IL12RB2: variants seen among roughly 807,000 people sequenced by gnomAD.
IL12RB2 encodes the protein interleukin-12 receptor subunit beta-2.
A neutral mutation model predicts 89.4 loss-of-function variants in IL12RB2; 82 were observed. The ratio of observed to expected loss-of-function variants is 0.92; its 90% CI spans 0.77 to 1.10. The LOEUF (loss-of-function observed/expected upper bound fraction) is 1.10, where lower values mean the gene tolerates loss of function less well. Ranked by LOEUF, IL12RB2 falls within the 50% of genes least tolerant of loss-of-function variation. The pLI is 0.00. For missense variants in IL12RB2, 963 were observed against 1,031.9 expected (o/e 0.93, Z 0.92); for synonymous variants, 368 against 370.1 (o/e 0.99, Z 0.07).
intron 13 of IL12RB2, among the ~76,000 whole-genome samples, chr1:67,373,802 T>A (rs568066757): frequency 6.6e-6 from 1 of 152,290 alleles, no homozygotes; most frequent in East Asian, 1.9e-4. Flanking sequence ...TGAGAGTTAG[T>A]AGGCCCAAGA....
chr1:67,342,150 T>A (rs966684125), intron 9 of IL12RB2, among the ~76,000 whole-genome samples: 2 of 152,116 alleles, frequency 1.3e-5, no homozygotes, highest in African/African-American at 2.4e-5. Context: ...AGGGCCCAAG[T>A]CATACCTCAC....
At chr1:67,358,791 A>C (rs1661672578) in intron 10 of IL12RB2, among the ~76,000 whole-genome samples, 1 of 152,148 alleles carries the variant, frequency 6.6e-6, no homozygotes, top group African/African-American at 2.4e-5. Context: ...AAATACTGTA[A>C]AAGCTAAAAA....
chr1:67,343,745 C>T (rs1428231571), intron 9 of IL12RB2, among the ~76,000 whole-genome samples: 1 of 152,056 alleles, frequency 6.6e-6, no homozygotes, highest in Non-Finnish European at 1.5e-5. Flanking sequence ...ATATGAGAAC[C>T]AGGTAAAGCC....
At chr1:67,384,680 G>A (rs999659162) in intron 14 of IL12RB2, among the ~76,000 whole-genome samples, 5 of 152,158 alleles carry the variant, frequency 3.3e-5, no homozygotes, top group Admixed American at 2.6e-4. Context: ...CCTCTTGAAT[G>A]TTTTGCTGCT....
chr1:67,366,306 T>C lies in IL12RB2; in HGVS notation c.1259-1519T>C, dbSNP rs1459430978. ...GTCTCTACCAAAAATACAAAATTAG[T>C]TGGGTGTGGTGGCAGACGCCTGTAG... On this transcript the variant is annotated intron_variant, in intron 10 of 16. Coordinates refer to ENST00000674203, the MANE Select transcript of IL12RB2 (RefSeq NM_001374259.2). Among the ~76,000 whole-genome samples, 4 of 151,102 alleles carry C rather than the reference T, an allele frequency of 2.6e-5. No individual in the cohort carries two copies. In the East Asian group the frequency reaches 7.8e-4, roughly 29 times the overall value.
chr1:67,363,922 A>G (rs1662394690), intron 10 of IL12RB2, among the ~76,000 whole-genome samples: 2 of 152,242 alleles, frequency 1.3e-5, no homozygotes, highest in African/African-American at 2.4e-5. Context: ...AAAATGAGGG[A>G]TAGATGACAA....
chr1:67,309,055 T>TATATAC (rs1654674557), intron 1 of IL12RB2, among the ~76,000 whole-genome samples: 1 of 151,490 alleles, frequency 6.6e-6, no homozygotes, highest in African/African-American at 2.4e-5. Flanking sequence ...CATATATATA[T>TATATAC]ATATACACAC....
intron 13 of IL12RB2, among the ~76,000 whole-genome samples, chr1:67,379,325 C>A (rs182114961): frequency 7.4e-4 from 112 of 150,756 alleles, no homozygotes; most frequent in Non-Finnish European, 1.4e-3. Context: ...GCCTGGCCAA[C>A]ATGGTGAAAC....
chr1:67,355,838 C>T (rs1051653812), intron 10 of IL12RB2, among the ~76,000 whole-genome samples: 1 of 152,170 alleles, frequency 6.6e-6, no homozygotes, highest in Non-Finnish European at 1.5e-5. Flanking sequence ...GAACATGCCC[C>T]AGCAAACATC....
chr1:67,317,482 T>A lies in IL12RB2; in HGVS notation c.-36-2851T>A, dbSNP rs183836548. The stretch of plus-strand genomic sequence containing the variant: ...AGCAGAGCGAGTCCTTGGTACCTCA[T>A]ATCTCTCTGACCCACTCTCCTGCCT... On this transcript the variant is annotated intron_variant, in intron 2 of 16. Transcript: ENST00000674203. 3.4e-3 allele frequency among the ~76,000 whole-genome samples: 525 copies of A among 152,330 alleles called. 2 individuals are homozygous for A. Among genetic ancestry groups the A allele is most frequent in the Non-Finnish European group, 5.6e-3 (379 of 68,020 alleles).
Position 67,398,410 on chromosome 1 carries a change from A to G in IL12RB2, c.*2321A>G, listed in dbSNP as rs565388567. ...TCTCCTCCCCTCCCTTGTGTCTACA[A>G]CACCCCATTTTACCAAGTCTCCCAT... On this transcript the variant is annotated 3_prime_UTR_variant, in exon 17 of 17. Transcript: ENST00000674203. 2.5e-4 allele frequency among the ~76,000 whole-genome samples: 38 copies of G among 151,354 alleles called. No homozygotes were observed. The highest frequency in any genetic ancestry group is 4.9e-4 in the Non-Finnish European group (33 of 67,858).
At chr1:67,373,807 C>T (rs1211248530) in intron 13 of IL12RB2, among the ~76,000 whole-genome samples, 1 of 152,054 alleles carries the variant, frequency 6.6e-6, no homozygotes. Context: ...GTTAGTAGGC[C>T]CAAGAACAAT....
Position 67,351,027 on chromosome 1 carries a change from C to G in IL12RB2, c.1196C>G (p.Ala399Gly). 1 of 1,613,966 alleles carries G rather than the reference C, an allele frequency of 6.2e-7. No individual in the cohort carries two copies. The highest frequency in any genetic ancestry group is 1.3e-5 in the African/African-American group (1 of 75,040). Residue 399 changes from alanine (A) to glycine (G), a missense_variant, in exon 10 of 17, where the codon GCA (alanine) becomes GGA (glycine). Coordinates refer to ENST00000674203, the MANE Select transcript of IL12RB2 (RefSeq NM_001374259.2). ...RTGNWAVAVS[A>G]ANSKGSSLPT... ...GGAAATTGGGCTGTGGCTGTGTCTG[C>G]AGCAAATTCAAAAGGCAGTTCTCTG...
chr1:67,326,948 T>TTTATTTATTTATTTA (rs1259499312), intron 5 of IL12RB2, 99 bp downstream of exon 5: 2 of 711,174 alleles, frequency 2.8e-6, no homozygotes, highest in African/African-American at 5.0e-5. Flanking sequence ...TTTTATTTTA[T>TTTATTTATTTATTTA]TTATTTATTT....
intron 9 of IL12RB2, among the ~76,000 whole-genome samples, chr1:67,348,424 G>A (rs1017290224): frequency 6.6e-5 from 10 of 152,114 alleles, no homozygotes; most frequent in Non-Finnish European, 1.5e-4. Context: ...CCTAGAAGTC[G>A]AGAGCTCTGG....
chr1:67,337,133 C>A (rs1658873482), intron 8 of IL12RB2, among the ~76,000 whole-genome samples: 1 of 152,142 alleles, frequency 6.6e-6, no homozygotes, highest in Non-Finnish European at 1.5e-5. Context: ...ACAGCACCTG[C>A]CCTCTACATG....
chr1:67,308,053 G>A (rs1266011380), intron 1 of IL12RB2, 86 bp downstream of exon 1: 1 of 152,008 alleles, frequency 6.6e-6, no homozygotes, highest in East Asian at 1.9e-4. Flanking sequence ...GGGATTCCGT[G>A]TCTCGCGTCT....
chr1:67,367,962 GAC>G lies in IL12RB2; in HGVS notation c.1402_1403del (p.Gln468GlyfsTer28). On this transcript the variant is annotated frameshift_variant, in exon 11 of 17. Coordinates refer to ENST00000674203, the MANE Select transcript of IL12RB2 (RefSeq NM_001374259.2). LOFTEE classifies it high-confidence loss of function. ...ATGGAGAGAGCTCCATCCAGGGGGT[GAC>G]ACACAGGTCCCTCTAAACTGGCTAC... ...VEWRELHPGG[D>X]TQVPLNWLRS... The G allele has an allele frequency of 6.2e-7, 1 of 1,610,910 alleles. No homozygotes were observed. Among genetic ancestry groups the G allele is most frequent in the Non-Finnish European group, 8.5e-7 (1 of 1,177,114 alleles).
chr1:67,337,738 G>T (rs147149837), intron 8 of IL12RB2, among the ~76,000 whole-genome samples: 1 of 152,040 alleles, frequency 6.6e-6, no homozygotes, highest in Non-Finnish European at 1.5e-5. Context: ...GTACATCATT[G>T]TCTAATGATC....
Sources: allele counts gnomAD v4.1 joint callset (sites outside exome capture counted in the v4.1 genomes callset), GRCh38; gene constraint gnomAD v4.1.1; transcripts MANE v1.5; gene names NCBI Gene and HGNC (gene_info 2026-07-23, HGNC 2026-07-21).